Variants in ALG14 observed in about 807,000 individuals in gnomAD.
ALG14 encodes ALG14 UDP-N-acetylglucosaminyltransferase subunit, also known as UDP-N-acetylglucosamine transferase subunit ALG14.
In ALG14, 17 loss-of-function variants were observed where a neutral mutation model predicts 22.8. The ratio of observed to expected loss-of-function variants is 0.75; its 90% CI spans 0.51 to 1.12. The LOEUF (loss-of-function observed/expected upper bound fraction) is 1.12. ALG14 is among the 50% of genes most tolerant of loss of function. ALG14 has a pLI of 0.00. For synonymous variants in ALG14, 89 were observed against 103.7 expected (o/e 0.86, Z 0.86); for missense variants, 288 against 271.8 (o/e 1.06, Z -0.42).
intron 1 of ALG14, among the ~76,000 whole-genome samples, chr1:95,067,806 G>A (rs1675426253): frequency 1.3e-5 from 2 of 152,054 alleles, no homozygotes; most frequent in African/African-American, 4.8e-5. Flanking sequence ...ATTTACTTCT[G>A]CTCAAAATCC....
intron 3 of ALG14, among the ~76,000 whole-genome samples, chr1:94,986,530 T>C: frequency 6.6e-6 from 1 of 152,160 alleles, no homozygotes; most frequent in Non-Finnish European, 1.5e-5. Flanking sequence ...TATAGTGCAG[T>C]AGCACAATCT....
intron 3 of ALG14, among the ~76,000 whole-genome samples, chr1:95,014,870 T>C (rs1673459449): frequency 6.6e-6 from 1 of 152,182 alleles, no homozygotes; most frequent in Non-Finnish European, 1.5e-5. Flanking sequence ...AGTAATTCAA[T>C]GAATAGCATT....
At chr1:95,065,599 C>A (rs765569425) in intron 1 of ALG14, among the ~76,000 whole-genome samples, 1 of 151,954 alleles carries the variant, frequency 6.6e-6, no homozygotes, top group East Asian at 1.9e-4. Flanking sequence ...AAATAAGGCA[C>A]GAAAGCAGGA....
intron 3 of ALG14, among the ~76,000 whole-genome samples, chr1:95,009,529 A>G (rs1673309396): frequency 6.6e-6 from 1 of 152,150 alleles, no homozygotes; most frequent in Admixed American, 6.5e-5. Flanking sequence ...CACAAAATAC[A>G]CTCTTATAAA....
In ALG14 at chr1:95,035,626, C is replaced by A. The variant is rs138778658; in HGVS notation, c.289-8366G>T. The stretch of plus-strand genomic sequence containing the variant: ...TGAGTTAAATACTAACAGTATATGA[C>A]AACTTGTAACTTTCAAAGTATGTTC... On this transcript the variant is annotated intron_variant, in intron 2 of 3. Coordinates refer to ENST00000370205, the MANE Select transcript of ALG14 (RefSeq NM_144988.4). Among the ~76,000 whole-genome samples, 1,185 of 152,314 alleles carry A rather than the reference C, an allele frequency of 7.8e-3. 12 individuals carry two copies. Among genetic ancestry groups the A allele is most frequent in the African/African-American group, 0.026 (1,097 of 41,570 alleles).
At chr1:95,051,174 G>C (rs72964586) in intron 2 of ALG14, among the ~76,000 whole-genome samples, 453 of 151,950 alleles carry the variant, frequency 3.0e-3, no homozygotes, top group Non-Finnish European at 4.3e-3. Flanking sequence ...ATCTTCTCTC[G>C]TATGTTTACA....
intron 3 of ALG14, among the ~76,000 whole-genome samples, chr1:94,994,243 TC>T (rs1672853307): frequency 2.0e-5 from 3 of 152,218 alleles, no homozygotes; most frequent in African/African-American, 7.2e-5. Context: ...GGCTTCTTGA[TC>T]TTTTTTTGTT....
At chr1:95,053,952 T>G (rs917835402) in intron 2 of ALG14, among the ~76,000 whole-genome samples, 2 of 152,140 alleles carry the variant, frequency 1.3e-5, no homozygotes, top group African/African-American at 4.8e-5. Flanking sequence ...AAGAACACAT[T>G]CTCTGCTCAC....
intron 3 of ALG14, among the ~76,000 whole-genome samples, chr1:95,020,465 G>A (rs747052020): frequency 5.3e-5 from 8 of 151,424 alleles, no homozygotes; most frequent in African/African-American, 9.7e-5. Context: ...GTGGCCAGGC[G>A]CAGTGGCTCA....
intron 3 of ALG14, among the ~76,000 whole-genome samples, chr1:95,001,756 A>G (rs899391768): frequency 6.6e-6 from 1 of 152,186 alleles, no homozygotes; most frequent in Admixed American, 6.5e-5. Context: ...TTGGCCTCCC[A>G]AAGTGCTGGG....
intron 2 of ALG14, among the ~76,000 whole-genome samples, chr1:95,058,882 AATTTT>A (rs1675036284): frequency 6.6e-6 from 1 of 151,854 alleles, no homozygotes; most frequent in Non-Finnish European, 1.5e-5. Flanking sequence ...CAGTTTTTAA[AATTTT>A]ATTTTTTTTC....
At chr1:95,023,018 T>C (rs900202202) in intron 3 of ALG14, among the ~76,000 whole-genome samples, 23 of 152,114 alleles carry the variant, frequency 1.5e-4, no homozygotes, top group African/African-American at 5.1e-4. Context: ...TTATATACTA[T>C]ACAAACAGTG....
chr1:95,024,392 T>G (rs1014644557), intron 3 of ALG14, among the ~76,000 whole-genome samples: 1 of 152,244 alleles, frequency 6.6e-6, no homozygotes, highest in Non-Finnish European at 1.5e-5. Context: ...AGCTGTTTTA[T>G]TCATCCCTTT....
chr1:95,009,485 A>ATGGATTTTGACCAGTCACC (rs1409492886), intron 3 of ALG14, among the ~76,000 whole-genome samples: 1 of 152,156 alleles, frequency 6.6e-6, no homozygotes, highest in Non-Finnish European at 1.5e-5. Context: ...TTGTGCTGAA[A>ATGGATTTTGACCAGTCACC]TGGATTTTGA....
chr1:95,001,659 C>A (rs1019779963), intron 3 of ALG14, among the ~76,000 whole-genome samples: 9 of 152,088 alleles, frequency 5.9e-5, no homozygotes, highest in African/African-American at 2.2e-4. Context: ...CCATGTCTGG[C>A]TAATTTTTGT....
chr1:95,022,078 G>A (rs1673680942), intron 3 of ALG14, among the ~76,000 whole-genome samples: 1 of 152,196 alleles, frequency 6.6e-6, no homozygotes, highest in Non-Finnish European at 1.5e-5. Flanking sequence ...GCTGGCTTCT[G>A]CAGACAGGAA....
At chr1:95,026,654 C>T (rs182189601) in intron 3 of ALG14, among the ~76,000 whole-genome samples, 18 of 138,008 alleles carry the variant, frequency 1.3e-4, no homozygotes, top group Non-Finnish European at 2.0e-4. Context: ...ACAGGCCAGG[C>T]GCAGTGGCTC....
intron 3 of ALG14, among the ~76,000 whole-genome samples, chr1:94,991,733 T>C (rs535338508): frequency 2.1e-4 from 32 of 152,364 alleles, no homozygotes; most frequent in African/African-American, 7.7e-4. Flanking sequence ...AAATTAACTT[T>C]AGCTTACTGT....
intron 2 of ALG14, among the ~76,000 whole-genome samples, chr1:95,057,549 T>C (rs572078332): frequency 6.6e-6 from 1 of 151,330 alleles, no homozygotes; most frequent in Non-Finnish European, 1.5e-5. Context: ...GATTTTGGCA[T>C]CCGTGCAAGG....
Sources: allele counts gnomAD v4.1 joint callset (sites outside exome capture counted in the v4.1 genomes callset), GRCh38; gene constraint gnomAD v4.1.1; transcripts MANE v1.5; gene names NCBI Gene and HGNC (gene_info 2026-07-23, HGNC 2026-07-21).